AFG1L: variants seen among roughly 807,000 people sequenced by gnomAD.
AFG1L encodes AFG1 like ATPase.
In AFG1L, 53 loss-of-function variants were observed where a neutral mutation model predicts 62.2. The ratio of observed to expected loss-of-function variants is 0.85; its 90% confidence interval spans 0.68 to 1.07. AFG1L has a LOEUF of 1.07. AFG1L is among the 50% of genes least tolerant of loss of function. The pLI, the probability that AFG1L is intolerant of heterozygous loss-of-function variation, is 0.00. For synonymous variants in AFG1L, 228 were observed against 210.3 expected (o/e 1.08, Z -0.73); for missense variants, 555 against 590.5 (o/e 0.94, Z 0.62).
At chr6:108,333,616 A>G in intron 2 of AFG1L, among the ~76,000 whole-genome samples, 1 of 152,098 alleles carries the variant, frequency 6.6e-6, no homozygotes, top group East Asian at 1.9e-4. Flanking sequence ...TATAAATAAC[A>G]TCTACCATAT....
At chr6:108,305,296 C>G (rs542608930) in intron 1 of AFG1L, among the ~76,000 whole-genome samples, 1 of 152,294 alleles carries the variant, frequency 6.6e-6, no homozygotes, top group African/African-American at 2.4e-5. Flanking sequence ...TGCAAAGGGC[C>G]TCTGTAGATA....
At chr6:108,325,849 C>T (rs1053807811) in intron 2 of AFG1L, among the ~76,000 whole-genome samples, 1 of 151,906 alleles carries the variant, frequency 6.6e-6, no homozygotes, top group African/African-American at 2.4e-5. Context: ...AGTGTGATAT[C>T]TTGGCTCACT....
chr6:108,317,174 G>A (rs1777636466), intron 1 of AFG1L, among the ~76,000 whole-genome samples: 1 of 152,178 alleles, frequency 6.6e-6, no homozygotes, highest in Non-Finnish European at 1.5e-5. Flanking sequence ...GTAATTACCT[G>A]TTTACTGCAC....
intron 11 of AFG1L, among the ~76,000 whole-genome samples, chr6:108,517,737 A>T (rs543034872): frequency 9.5e-4 from 144 of 152,238 alleles, no homozygotes; most frequent in African/African-American, 2.8e-3. Context: ...TGGGAGAAAA[A>T]TTTTGCAATC....
intron 2 of AFG1L, among the ~76,000 whole-genome samples, chr6:108,330,931 CAT>C (rs1204240165): frequency 1.2e-4 from 19 of 152,110 alleles, no homozygotes; most frequent in Admixed American, 2.6e-4. Context: ...TGAACTAAGA[CAT>C]GTGCTAAGTA....
At chr6:108,332,140 C>G (rs1019950842) in intron 2 of AFG1L, among the ~76,000 whole-genome samples, 5 of 152,178 alleles carry the variant, frequency 3.3e-5, no homozygotes, top group African/African-American at 1.2e-4. Context: ...TCTTTATTTA[C>G]AAAAACAAGT....
intron 3 of AFG1L, among the ~76,000 whole-genome samples, chr6:108,349,589 C>G (rs1377281937): frequency 1.3e-5 from 2 of 151,944 alleles, no homozygotes; most frequent in Non-Finnish European, 2.9e-5. Context: ...ATTCTTTATT[C>G]TTTTCCTTTG....
chr6:108,508,860 C>G (rs2114894249), intron 10 of AFG1L, among the ~76,000 whole-genome samples: 1 of 152,302 alleles, frequency 6.6e-6, no homozygotes, highest in Non-Finnish European at 1.5e-5. Context: ...CAAAGGACTT[C>G]CCAAATGAGA....
intron 2 of AFG1L, among the ~76,000 whole-genome samples, chr6:108,325,362 C>A (rs545108912): frequency 1.4e-3 from 211 of 152,098 alleles, no homozygotes; most frequent in Middle Eastern, 3.4e-3. Context: ...GAAGGGCACA[C>A]CATGGCACTC....
At chr6:108,478,918 G>A (rs999379955) in intron 10 of AFG1L, among the ~76,000 whole-genome samples, 1 of 152,124 alleles carries the variant, frequency 6.6e-6, no homozygotes, top group African/African-American at 2.4e-5. Context: ...GAAGAAGATT[G>A]ATTGAGACTT....
At chr6:108,336,340 A>C (rs890838511) in intron 2 of AFG1L, among the ~76,000 whole-genome samples, 5 of 152,196 alleles carry the variant, frequency 3.3e-5, no homozygotes, top group Admixed American at 6.5e-5. Context: ...TGAAAACAAC[A>C]CTTTTTATTT....
intron 8 of AFG1L, among the ~76,000 whole-genome samples, chr6:108,449,325 A>G (rs1263066738): frequency 6.6e-6 from 1 of 152,128 alleles, no homozygotes; most frequent in African/African-American, 2.4e-5. Context: ...TGAATTTAAC[A>G]TCCAAAGGGC....
intron 6 of AFG1L, among the ~76,000 whole-genome samples, chr6:108,372,354 G>C (rs1356829716): frequency 6.9e-6 from 1 of 144,298 alleles, no homozygotes; most frequent in African/African-American, 2.6e-5. Context: ...TTTTGAGACA[G>C]AGTCTTGCTC....
In AFG1L at chr6:108,345,105, A is replaced by T. The variant is rs529277957; in HGVS notation, c.364-1883A>T. Among the ~76,000 whole-genome samples the T allele has an allele frequency of 1.1e-4, 16 of 152,270 alleles. 1 individual carries two copies. Among genetic ancestry groups the T allele is most frequent in the African/African-American group, 3.6e-4 (15 of 41,552 alleles). ...GGACAATTTTCCATTTTCACACTTG[A>T]TGAATAGATTGGATGGATTGGTAGG... On this transcript the variant is annotated intron_variant, in intron 2 of 12. Coordinates refer to ENST00000368977, the MANE Select transcript of AFG1L (RefSeq NM_145315.5).
intron 1 of AFG1L, among the ~76,000 whole-genome samples, chr6:108,309,026 TGTA>T (rs1360887320): frequency 6.6e-6 from 1 of 152,202 alleles, no homozygotes; most frequent in Non-Finnish European, 1.5e-5. Context: ...TAAATTTTAA[TGTA>T]GTCCAATTTA....
At chr6:108,391,246 A>G (rs1781045347) in intron 6 of AFG1L, among the ~76,000 whole-genome samples, 1 of 152,192 alleles carries the variant, frequency 6.6e-6, no homozygotes, top group African/African-American at 2.4e-5. Flanking sequence ...CATTCCCACC[A>G]GCAGTGTAGA....
intron 6 of AFG1L, among the ~76,000 whole-genome samples, chr6:108,393,404 A>G (rs1373121403): frequency 6.6e-6 from 1 of 152,136 alleles, no homozygotes; most frequent in Non-Finnish European, 1.5e-5. Context: ...CTTAAGCCAA[A>G]TGATTTCTGT....
At chr6:108,429,507 G>A (rs1411976395) in intron 7 of AFG1L, among the ~76,000 whole-genome samples, 1 of 152,190 alleles carries the variant, frequency 6.6e-6, no homozygotes, top group Non-Finnish European at 1.5e-5. Flanking sequence ...AATTATGGGA[G>A]CTACAATTCA....
At chr6:108,386,003 C>A (rs1582487865) in intron 6 of AFG1L, among the ~76,000 whole-genome samples, 1 of 152,116 alleles carries the variant, frequency 6.6e-6, no homozygotes, top group East Asian at 1.9e-4. Flanking sequence ...GTGGGAGCTT[C>A]TCAGGAGGCT....
Sources: gnomAD v4.1 joint callset for allele counts (sites outside exome capture counted in the v4.1 genomes callset) on GRCh38, gnomAD v4.1.1 for gene constraint, MANE v1.5 for transcripts, NCBI Gene and HGNC (gene_info 2026-07-23, HGNC 2026-07-21) for gene names.